The following ABCC11 variants were observed in gnomAD, a reference collection of about 807,000 sequenced individuals.
ABCC11 encodes the protein ATP-binding cassette sub-family C member 11.
In ABCC11, 135 loss-of-function variants were observed where a neutral mutation model predicts 149.3. The ratio of observed to expected loss-of-function variants is 0.90; its 90% CI spans 0.79 to 1.04. ABCC11 has a LOEUF of 1.04. Among genes scored for constraint, ABCC11 ranks in the 50% least tolerant of loss-of-function variants. The pLI is 0.00. For synonymous variants in ABCC11, 665 were observed against 671.4 expected (o/e 0.99, Z 0.15); for missense variants, 1,680 against 1,722.1 (o/e 0.98, Z 0.43).
chr16:48,238,670 G>A (rs1416567460), intron 1 of ABCC11, among the ~76,000 whole-genome samples: 1 of 152,086 alleles, frequency 6.6e-6, no homozygotes, highest in African/African-American at 2.4e-5. Flanking sequence ...GGGCGCGGTG[G>A]CTCACGCCTG....
At chr16:48,198,812 A>T (rs1489263785) in intron 15 of ABCC11, among the ~76,000 whole-genome samples, 5 of 152,000 alleles carry the variant, frequency 3.3e-5, no homozygotes, top group Non-Finnish European at 5.9e-5. Context: ...GCCAAGGTGG[A>T]CAGATCACGA....
intron 20 of ABCC11, among the ~76,000 whole-genome samples, chr16:48,188,704 C>T (rs1400528578): frequency 6.6e-6 from 1 of 152,192 alleles, no homozygotes; most frequent in Non-Finnish European, 1.5e-5. Context: ...TGGTTAATGG[C>T]AAAACCATGA....
intron 6 of ABCC11, among the ~76,000 whole-genome samples, chr16:48,218,603 C>T (rs560688533): frequency 3.4e-4 from 51 of 152,162 alleles, no homozygotes; most frequent in Non-Finnish European, 6.6e-4. Context: ...GGTTCCCACC[C>T]AAATCTCATC....
chr16:48,214,737 C>T lies in ABCC11; in HGVS notation c.1248+144G>A, dbSNP rs564629137. 3.4e-6 allele frequency: 4 copies of T among 1,177,120 alleles called. No individual in the cohort carries two copies. In the Admixed American group the frequency reaches 7.3e-5, roughly 22 times the overall value. The allele number at this position is 1,177,120 out of a possible 1,614,324, so 72.9% of individuals were successfully genotyped here. ...AGATGGGTTGAGATGGAAGACAGCA[C>T]TGTACTTTTGTCTGGAAAATCAAAA... On this transcript the variant is annotated intron_variant, in intron 9 of 29. Coordinates refer to ENST00000356608, the MANE Select transcript of ABCC11 (RefSeq NM_001370497.1).
chr16:48,214,436 G>C (rs529578442), intron 9 of ABCC11, among the ~76,000 whole-genome samples: 1 of 152,092 alleles, frequency 6.6e-6, no homozygotes, highest in Non-Finnish European at 1.5e-5. Flanking sequence ...GCAGCACCCT[G>C]TCTTATTCTG....
At chr16:48,175,138 G>A (rs1287577114) in intron 26 of ABCC11, 120 bp downstream of exon 26, 2 of 1,293,080 alleles carry the variant, frequency 1.5e-6, no homozygotes, top group East Asian at 5.0e-5. Flanking sequence ...GAGTGGCCCA[G>A]CAGGCCAAGG....
At chr16:48,199,296 T>C (rs578011927) in intron 15 of ABCC11, among the ~76,000 whole-genome samples, 2 of 151,942 alleles carry the variant, frequency 1.3e-5, no homozygotes, top group Non-Finnish European at 2.9e-5. Flanking sequence ...TGGAACAGAA[T>C]TGGAGAGTGG....
At chr16:48,244,374 C>A in intron 1 of ABCC11, 1 of 1,521,716 alleles carries the variant, frequency 6.6e-7, no homozygotes, top group Non-Finnish European at 8.8e-7. Context: ...GCCCCCAGTG[C>A]GAAAGGCTGC....
Position 48,184,530 on chromosome 16 carries a change from A to G in ABCC11, c.3168T>C (p.Leu1056=), listed in dbSNP as rs1442752034. The change falls in exon 23 of 30, where the codon CTT becomes CTC. Residue 1056 remains leucine (L), a synonymous_variant. Coordinates refer to ENST00000356608, the MANE Select transcript of ABCC11 (RefSeq NM_001370497.1). ...MALRLEIMTN[L]VTLAVALFVA... is the part of the protein sequence containing the mutation. ...CGAACAGGGCAACAGCCAAGGTCACAAGGTTGGTCATGATCTCCAGCCTCA... is the reference window on the plus strand; with the variant it reads ...CGAACAGGGCAACAGCCAAGGTCACGAGGTTGGTCATGATCTCCAGCCTCA... 3 of 1,614,260 alleles carry G rather than the reference A, an allele frequency of 1.9e-6. No individual in the cohort carries two copies. The highest frequency in any genetic ancestry group is 1.7e-5 in the Admixed American group (1 of 60,030).
chr16:48,176,984 C>T lies in ABCC11; in HGVS notation c.3478G>A (p.Gly1160Ser), dbSNP rs774455418. Residue 1160 changes from glycine (G) to serine (S), a missense_variant, in exon 25 of 30, where the codon GGC (glycine) becomes AGC (serine). By Grantham distance (56) the Gly-to-Ser change is moderately conservative (BLOSUM62 0). Coordinates refer to ENST00000356608, the MANE Select transcript of ABCC11 (RefSeq NM_001370497.1). ...YRDNTPTVLH[G>S]INLTIRGHEV... is the part of the protein sequence containing the mutation. The stretch of plus-strand genomic sequence containing the variant: ...TGGCCGCGGATGGTCAGGTTGATGC[C>T]GTGAAGCACGGTGGGTGTGTTGTCT... 1.9e-6 allele frequency: 3 copies of T among 1,614,162 alleles called. No individual in the cohort carries two copies. Among genetic ancestry groups the T allele is most frequent in the South Asian group, 2.2e-5 (2 of 91,076 alleles).
downstream of ABCC11, chr16:48,164,850 G>A (rs1965287924): frequency 6.6e-6 from 1 of 150,910 alleles, no homozygotes; most frequent in South Asian, 2.1e-4. Flanking sequence ...ATTACTGCTC[G>A]GAGCCAATGG....
intron 10 of ABCC11, 99 bp from the exon 11 acceptor site, chr16:48,211,298 T>C (rs1346194074): frequency 2.1e-6 from 3 of 1,431,860 alleles, no homozygotes; most frequent in African/African-American, 2.8e-5. Flanking sequence ...GGTATGGTTT[T>C]GTGAATTTCT....
At position 48,187,362 on chromosome 16, in the gene ABCC11, T is replaced by C; in HGVS notation, c.2772A>G (p.Ala924=). The C allele has an allele frequency of 1.9e-6, 3 of 1,614,108 alleles. No individual in the cohort carries two copies. Among genetic ancestry groups the C allele is most frequent in the South Asian group, 1.1e-5 (1 of 91,086 alleles). The change falls in exon 21 of 30, where the codon GCA becomes GCG. Residue 924 remains alanine (A), a synonymous_variant. Coordinates refer to ENST00000356608, the MANE Select transcript of ABCC11 (RefSeq NM_001370497.1). ...GCTGGTCCAGCTGTTCCAAGTCCCC[T>C]GCGAAGCAGTTCAAAAGCCGGCCTA... ...IPIGRLLNCF[A]GDLEQLDQLL...
chr16:48,222,639 G>GCTT lies in ABCC11; in HGVS notation c.733_735dup (p.Lys245dup). The GCTT allele has an allele frequency of 6.2e-7, 1 of 1,614,188 alleles. No individual in the cohort carries two copies. Among genetic ancestry groups the GCTT allele is most frequent in the Non-Finnish European group, 8.5e-7 (1 of 1,180,030 alleles). ...TGTATTACAGACTTAAATTGGATGAGCTTCTCAAAGGCAAAGGAGGAAACA... is the reference window on the plus strand; with the variant it reads ...TGTATTACAGACTTAAATTGGATGAGCTTCTTCTCAAAGGCAAAGGAGGAAACA... On this transcript the variant is annotated inframe_insertion, in exon 6 of 30. Transcript: ENST00000356608.
At chr16:48,223,103 C>G (rs139157553) in intron 5 of ABCC11, among the ~76,000 whole-genome samples, 1,848 of 152,326 alleles carry the variant, frequency 0.012, 16 homozygotes, top group Non-Finnish European at 0.018. Context: ...TAGGCGTTAA[C>G]AAAGTGGCTT....
At position 48,198,260 on chromosome 16, in the gene ABCC11, C is replaced by T. The variant is rs1288331924; in HGVS notation, c.2098G>A (p.Gly700Ser). 3 of 1,614,060 alleles carry T rather than the reference C, an allele frequency of 1.9e-6. No homozygotes were observed. In the African/African-American group the frequency reaches 4.0e-5, roughly 22 times the overall value. Residue 700 changes from glycine to serine, a missense_variant, in exon 16 of 30, where the codon GGC (glycine) becomes AGC (serine). Gly to Ser is a moderately conservative substitution (Grantham distance 56, BLOSUM62 0). Transcript: ENST00000356608. Reference protein sequence around the residue: ...THQLQYLEFCGQIILLENGKI... With the variant: ...THQLQYLEFCSQIILLENGKI... ...CCATTTTCCAACAAAATGATCTGGC[C>T]ACAAAATTCTAAGTACTGGACAGTC... is the stretch of plus-strand genomic sequence containing the variant.
Position 48,231,861 on chromosome 16 carries a change from T to G in ABCC11, c.61A>C (p.Ile21Leu), listed in dbSNP as rs1439498289. The G allele has an allele frequency of 6.2e-7, 1 of 1,614,086 alleles. No individual in the cohort carries two copies. The highest frequency in any genetic ancestry group is 8.5e-7 in the Non-Finnish European group (1 of 1,180,032). Residue 21 changes from isoleucine to leucine, a missense_variant, in exon 2 of 30, where the codon ATC (isoleucine) becomes CTC (leucine). By Grantham distance (5) the Ile-to-Leu change is conservative. Coordinates refer to ENST00000356608, the MANE Select transcript of ABCC11 (RefSeq NM_001370497.1). The stretch of plus-strand genomic sequence containing the variant: ...GAAACCATGTCATCGCCTATGTCGA[T>G]GCCACGATTCACGAGGCCACCAGAA... Reference protein sequence around the residue: ...NSSGGLVNRGIDIGDDMVSGL... With the variant: ...NSSGGLVNRGLDIGDDMVSGL...
At chr16:48,247,151 C>T (rs1195532493) in intron 1 of ABCC11, among the ~76,000 whole-genome samples, 163 bp downstream of exon 1, 3 of 152,240 alleles carry the variant, frequency 2.0e-5, no homozygotes, top group African/African-American at 4.8e-5. Context: ...AAAGATTGTA[C>T]CATATTCCTT....
intron 6 of ABCC11, among the ~76,000 whole-genome samples, chr16:48,220,473 G>A (rs984009982): frequency 8.5e-5 from 13 of 152,166 alleles, no homozygotes; most frequent in Non-Finnish European, 1.3e-4. Flanking sequence ...AGATAAACAG[G>A]GAGATCTTTT....
Sources: allele counts gnomAD v4.1 joint callset (sites outside exome capture counted in the v4.1 genomes callset), GRCh38; gene constraint gnomAD v4.1.1; transcripts MANE v1.5; gene names NCBI Gene and HGNC (gene_info 2026-07-23, HGNC 2026-07-21).